MIB1: variants seen among roughly 807,000 people sequenced by gnomAD.
The protein encoded by MIB1 is E3 ubiquitin-protein ligase MIB1.
Under a neutral mutation model 124.5 loss-of-function variants are expected in MIB1, and 278 were observed. The ratio of observed to expected loss-of-function variants is 2.23; its 90% CI spans 2.02 to 2.47. The LOEUF (loss-of-function observed/expected upper bound fraction) is 2.47. Among genes scored for constraint, MIB1 ranks in the 30% most tolerant of loss-of-function variants. MIB1 has a pLI of 0.00. For missense variants in MIB1, 957 were observed against 1,254.4 expected, an observed-to-expected ratio of 0.76 and a Z score of 3.58; for synonymous variants, 446 against 429.4, an observed-to-expected ratio of 1.04 and a Z score of -0.48.
At chr18:21,824,343 A>C (rs1310512264) in intron 12 of MIB1, among the ~76,000 whole-genome samples, 1 of 152,084 alleles carries the variant, frequency 6.6e-6, no homozygotes, top group African/African-American at 2.4e-5. Context: ...GAATGTTGTG[A>C]TGCTTTTTTT....
intron 1 of MIB1, among the ~76,000 whole-genome samples, chr18:21,757,700 A>G (rs967514157): frequency 5.3e-5 from 8 of 151,504 alleles, no homozygotes; most frequent in South Asian, 4.2e-4. Flanking sequence ...TGACCAGGCT[A>G]GTCTCAAACT....
chr18:21,815,408 C>G (rs1008976831), intron 10 of MIB1, among the ~76,000 whole-genome samples: 6 of 152,112 alleles, frequency 3.9e-5, no homozygotes, highest in Non-Finnish European at 7.4e-5. Flanking sequence ...TTACAGTTTA[C>G]TTGGCCTCAA....
chr18:21,862,767 C>T (rs2042287201), intron 20 of MIB1, among the ~76,000 whole-genome samples: 1 of 152,100 alleles, frequency 6.6e-6, no homozygotes, highest in Non-Finnish European at 1.5e-5. Context: ...GGAATGATAC[C>T]AGGACTGAGA....
At position 21,823,090 on chromosome 18, in the gene MIB1, T is replaced by C. The variant is rs2041893389; in HGVS notation, c.1829+3444T>C. Reference sequence around the variant, plus strand: ...CTCTACTAAAAATACAAAAATCAGCTGGGTGTAGTGGTGCGCACCTGTAGT... The same window carrying C: ...CTCTACTAAAAATACAAAAATCAGCCGGGTGTAGTGGTGCGCACCTGTAGT... On this transcript the variant is annotated intron_variant, in intron 12 of 20. Transcript: ENST00000261537. Among the ~76,000 whole-genome samples the C allele has an allele frequency of 2.0e-5, 3 of 151,700 alleles. No individual in the cohort carries two copies. The South Asian group carries it at 6.3e-4, about 32-fold the overall frequency.
intron 1 of MIB1, among the ~76,000 whole-genome samples, chr18:21,725,780 AG>A: frequency 7.5e-6 from 1 of 133,954 alleles, no homozygotes; most frequent in Non-Finnish European, 1.5e-5. Context: ...GGAGGGAGGG[AG>A]AGAGGGAAGG....
At chr18:21,751,409 C>T (rs1487722724) in intron 1 of MIB1, among the ~76,000 whole-genome samples, 1 of 152,004 alleles carries the variant, frequency 6.6e-6, no homozygotes, top group African/African-American at 2.4e-5. Context: ...TACAGGTGTG[C>T]ATCACCATGC....
intron 1 of MIB1, among the ~76,000 whole-genome samples, chr18:21,705,439 A>G (rs756926191): frequency 5.9e-5 from 9 of 152,198 alleles, no homozygotes; most frequent in African/African-American, 9.6e-5. Flanking sequence ...GACTTATGGA[A>G]ATTCACACCG....
chr18:21,735,016 G>A (rs1189717819), intron 1 of MIB1, among the ~76,000 whole-genome samples: 2 of 152,120 alleles, frequency 1.3e-5, no homozygotes, highest in African/African-American at 4.8e-5. Flanking sequence ...TTTCCTTTTG[G>A]GTAAGTACTG....
intron 2 of MIB1, among the ~76,000 whole-genome samples, chr18:21,767,582 C>T (rs774342197): frequency 6.6e-6 from 1 of 151,960 alleles, no homozygotes; most frequent in Non-Finnish European, 1.5e-5. Context: ...GAGTCTCTCT[C>T]TGTTGCCCAG....
In MIB1 at chr18:21,867,288, G is replaced by C. The variant is rs1233674315; in HGVS notation, c.*2622G>C. 1 of 152,450 alleles carries C rather than the reference G, an allele frequency of 6.6e-6. No homozygotes were observed. Among genetic ancestry groups the C allele is most frequent in the Non-Finnish European group, 1.5e-5 (1 of 68,004 alleles). 9.4% of individuals were successfully genotyped at this position (152,450 alleles called of 1,614,324 possible). A position where few individuals can be genotyped will look rare whatever the true frequency, so the allele number is the denominator to read the frequency against. On this transcript the variant is annotated 3_prime_UTR_variant, in exon 21 of 21. Coordinates refer to ENST00000261537, the MANE Select transcript of MIB1 (RefSeq NM_020774.4). Reference sequence around the variant, plus strand: ...CCTGATAACATTTCCTAACGTTTCAGAAGAGTTGTCATTGAGTAGTGTTTG... The same window carrying C: ...CCTGATAACATTTCCTAACGTTTCACAAGAGTTGTCATTGAGTAGTGTTTG...
Position 21,768,685 on chromosome 18 carries a change from CCA to C in MIB1, c.465_466del (p.Arg156SerfsTer19). On this transcript the variant is annotated frameshift_variant, in exon 3 of 21. Coordinates refer to ENST00000261537, the MANE Select transcript of MIB1 (RefSeq NM_020774.4). LOFTEE classifies it high-confidence loss of function. ...ACAGCCAGAGGAATCTTTGCAGGTG[CCA>C]GAGTGGTGCGAGGAGTGGACTGGCA... 1 of 1,608,036 alleles carries C rather than the reference CCA, an allele frequency of 6.2e-7. No homozygotes were observed. The highest frequency in any genetic ancestry group is 8.5e-7 in the Non-Finnish European group (1 of 1,177,220).
At chr18:21,861,331 A>G (rs1184226817) in intron 20 of MIB1, among the ~76,000 whole-genome samples, 1 of 152,032 alleles carries the variant, frequency 6.6e-6, no homozygotes, top group Non-Finnish European at 1.5e-5. Context: ...TGAAGCTCCT[A>G]GCATCTTGAT....
chr18:21,741,360 C>T lies in MIB1; in HGVS notation c.-224C>T, dbSNP rs1265882863. The T allele has an allele frequency of 5.1e-6, 1 of 195,634 alleles. No individual in the cohort carries two copies. The highest frequency in any genetic ancestry group is 1.0e-5 in the Non-Finnish European group (1 of 98,162). 12.1% of individuals were successfully genotyped at this position (195,634 alleles called of 1,614,324 possible). A position where few individuals can be genotyped will look rare whatever the true frequency, so the allele number is the denominator to read the frequency against. On this transcript the variant is annotated 5_prime_UTR_variant, in exon 1 of 21. Coordinates refer to ENST00000261537, the MANE Select transcript of MIB1 (RefSeq NM_020774.4). This position sits in a 1 kb window ranked among gnomAD's most constrained non-coding sequence, Gnocchi z 5.4. ...GCCGCCTCCGAGCAGCCGCGGGCCGCCCTCCACTCCGAGCGGGGGGCGCGG... is the reference window on the plus strand; with the variant it reads ...GCCGCCTCCGAGCAGCCGCGGGCCGTCCTCCACTCCGAGCGGGGGGCGCGG...
intron 1 of MIB1, among the ~76,000 whole-genome samples, chr18:21,721,896 A>G (rs1487633249): frequency 6.6e-6 from 1 of 152,192 alleles, no homozygotes; most frequent in Non-Finnish European, 1.5e-5. Flanking sequence ...CTAGTAAACT[A>G]ACACTGATAC....
In MIB1 at chr18:21,793,065, C is replaced by T. The variant is rs1350821943; in HGVS notation, c.1092+1508C>T. Among the ~76,000 whole-genome samples, 5 of 152,128 alleles carry T rather than the reference C, an allele frequency of 3.3e-5. No individual in the cohort carries two copies. In the East Asian group the frequency reaches 5.8e-4, roughly 18 times the overall value. On this transcript the variant is annotated intron_variant, in intron 7 of 20. Coordinates refer to ENST00000261537, the MANE Select transcript of MIB1 (RefSeq NM_020774.4). ...GACAGCTATTGAGTCTGCATCTCTT[C>T]GTATGGGAGCAGAGAGAATTAATGA...
At chr18:21,855,574 A>T (rs2042218871) in intron 18 of MIB1, among the ~76,000 whole-genome samples, 1 of 152,226 alleles carries the variant, frequency 6.6e-6, no homozygotes, top group Non-Finnish European at 1.5e-5. Flanking sequence ...GTTGGCTCCT[A>T]CCTAGTGCAC....
chr18:21,803,865 A>T, intron 9 of MIB1, 42 bp from the exon 10 acceptor site: 1 of 1,332,116 alleles, frequency 7.5e-7, no homozygotes, highest in Non-Finnish European at 1.1e-6. Flanking sequence ...CCTGTTTCTG[A>T]TTATTCATTC....
chr18:21,720,137 C>A (rs978447092), intron 1 of MIB1, among the ~76,000 whole-genome samples: 1 of 152,116 alleles, frequency 6.6e-6, no homozygotes, highest in African/African-American at 2.4e-5. Context: ...TCAGGATAAC[C>A]AAATAGCTTT....
chr18:21,809,983 G>T (rs910902918), intron 10 of MIB1, among the ~76,000 whole-genome samples: 6 of 152,186 alleles, frequency 3.9e-5, no homozygotes, highest in South Asian at 2.1e-4. Flanking sequence ...GAAACCTAAA[G>T]ATTTCAACAA....
Sources: allele counts gnomAD v4.1 joint callset (sites outside exome capture counted in the v4.1 genomes callset), GRCh38; gene constraint gnomAD v4.1.1; non-coding constraint Gnocchi (gnomAD v3.1); transcripts MANE v1.5; gene names NCBI Gene and HGNC (gene_info 2026-07-23, HGNC 2026-07-21).